PKHD1: variants seen among roughly 807,000 people sequenced by gnomAD.
PKHD1 encodes the protein PKHD1 ciliary IPT domain containing fibrocystin/polyductin, also known as fibrocystin.
Under a neutral mutation model 412.0 loss-of-function variants are expected in PKHD1, and 291 were observed. That is an observed-to-expected ratio of 0.71 (90% CI 0.64 to 0.78). The LOEUF (loss-of-function observed/expected upper bound fraction) is 0.78. PKHD1 is among the 30% of genes least tolerant of loss of function. The pLI is 0.00. For missense variants in PKHD1, 4,825 were observed against 4,950.7 expected, an observed-to-expected ratio of 0.97 and a Z score of 0.76; for synonymous variants, 1,777 against 1,821.5, an observed-to-expected ratio of 0.98 and a Z score of 0.62.
chr6:51,738,947 C>T (rs1051830009), intron 60 of PKHD1, among the ~76,000 whole-genome samples: 1 of 151,864 alleles, frequency 6.6e-6, no homozygotes, highest in African/African-American at 2.4e-5. Flanking sequence ...ACAACTCAAA[C>T]TACCTTTCTA....
Position 51,753,248 on chromosome 6 carries a change from C to T in PKHD1, c.8903G>A (p.Arg2968Lys), listed in dbSNP as rs1475594330. 6 of 1,613,816 alleles carry T rather than the reference C, an allele frequency of 3.7e-6. No homozygotes were observed. Residue 2968 changes from arginine to lysine, a missense_variant, in exon 57 of 67, where the codon AGA (arginine) becomes AAA (lysine). Coordinates refer to ENST00000371117, the MANE Select transcript of PKHD1 (RefSeq NM_138694.4). ...CTTCCTGAAGGACCCCACAAACAGTCTCCCCCTACATGATACGTCAGGCTG... is the reference window on the plus strand; with the variant it reads ...CTTCCTGAAGGACCCCACAAACAGTTTCCCCCTACATGATACGTCAGGCTG... Reference protein sequence around the residue: ...QIQPDVSCRGRLFVGSFRKSS... With the variant: ...QIQPDVSCRGKLFVGSFRKSS...
At chr6:51,979,867 T>C (rs1472604017) in intron 35 of PKHD1, among the ~76,000 whole-genome samples, 2 of 152,142 alleles carry the variant, frequency 1.3e-5, no homozygotes, top group Non-Finnish European at 2.9e-5. Context: ...AGTCCAGTTG[T>C]TTTCCAAGGA....
chr6:51,833,801 CA>C (rs1172048463), intron 51 of PKHD1, among the ~76,000 whole-genome samples: 1 of 152,054 alleles, frequency 6.6e-6, no homozygotes, highest in Non-Finnish European at 1.5e-5. Flanking sequence ...TGGGTCAGAC[CA>C]TCCAAAAAGC....
At chr6:51,787,376 A>AAAAG (rs3062491) in intron 53 of PKHD1, among the ~76,000 whole-genome samples, 7 of 151,390 alleles carry the variant, frequency 4.6e-5, no homozygotes, top group Non-Finnish European at 1.0e-4. Context: ...AAAAAAAAAA[A>AAAAG]GCAGGATCAC....
intron 64 of PKHD1, among the ~76,000 whole-genome samples, chr6:51,637,687 C>T (rs780870717): frequency 9.2e-5 from 14 of 151,738 alleles, no homozygotes; most frequent in Non-Finnish European, 2.1e-4. Flanking sequence ...AGGCGAATCA[C>T]GAGGTCAGAA....
At chr6:52,049,418 T>C (rs1423259840) in intron 22 of PKHD1, among the ~76,000 whole-genome samples, 1 of 152,226 alleles carries the variant, frequency 6.6e-6, no homozygotes, top group African/African-American at 2.4e-5. Context: ...ATGTGGTGCA[T>C]GACTGTATAT....
intron 26 of PKHD1, 116 bp downstream of exon 26, chr6:52,043,507 CCT>C (rs1020556537): frequency 4.1e-5 from 31 of 762,018 alleles, no homozygotes; most frequent in South Asian, 5.9e-5. Context: ...CGTCACTCAA[CCT>C]CTGCCTAATG....
At chr6:51,956,215 A>T (rs1791099405) in intron 36 of PKHD1, among the ~76,000 whole-genome samples, 1 of 152,042 alleles carries the variant, frequency 6.6e-6, no homozygotes, top group South Asian at 2.1e-4. Context: ...ATATGCAAAT[A>T]TATATAGACA....
chr6:51,626,889 A>C (rs571993451), intron 66 of PKHD1, 108 bp downstream of exon 66: 365 of 1,101,478 alleles, frequency 3.3e-4, no homozygotes, highest in Non-Finnish European at 4.8e-4. Context: ...AAGACTAAGA[A>C]GGGGCTATAA....
intron 53 of PKHD1, among the ~76,000 whole-genome samples, chr6:51,789,994 T>C (rs1422390683): frequency 6.6e-6 from 1 of 152,200 alleles, no homozygotes; most frequent in Non-Finnish European, 1.5e-5. Context: ...TTGATTTTTT[T>C]GTCACTGGAA....
rs560942967 is a variant in PKHD1 at position 52,028,289 on chromosome 6, C to A, written c.3427G>T (p.Val1143Phe). 1 of 1,613,964 alleles carries A rather than the reference C, an allele frequency of 6.2e-7. No homozygotes were observed. The highest frequency in any genetic ancestry group is 1.3e-5 in the African/African-American group (1 of 74,912). The change falls in exon 30 of 67, where the codon GTC becomes TTC. Residue 1143 changes from valine to phenylalanine, a missense_variant. Transcript: ENST00000371117. ...LMNYTDLDVE[V>F]HVQDALAPVH... ...GGAGCCAAGGCATCCTGGACGTGGA[C>A]TTCCACATCCAAATCCGTATAGTTC...
intron 52 of PKHD1, among the ~76,000 whole-genome samples, chr6:51,801,201 A>C (rs1164821673): frequency 1.3e-5 from 2 of 152,180 alleles, no homozygotes; most frequent in African/African-American, 4.8e-5. Flanking sequence ...AGTCTATCAT[A>C]ATTTATAAAG....
intron 46 of PKHD1, among the ~76,000 whole-genome samples, chr6:51,882,663 C>T (rs1056936687): frequency 6.6e-6 from 1 of 152,172 alleles, no homozygotes; most frequent in African/African-American, 2.4e-5. Flanking sequence ...CCCGGGAGTA[C>T]TCTTTGCCCC....
rs974197593 is a variant in PKHD1, at chr6:51,912,229, T to C, written c.6332+137A>G. On this transcript the variant is annotated intron_variant, in intron 38 of 66. Transcript: ENST00000371117. ...TTCAAAACATTTCATGCTTTTTAAT[T>C]TTCTTGTCAAAATGTCTACCATTAT... is the stretch of plus-strand genomic sequence containing the variant. 3.0e-5 allele frequency: 22 copies of C among 742,242 alleles called. No homozygotes were observed. The African/African-American group carries it at 3.1e-4, about 10-fold the overall frequency. 46.0% of individuals were successfully genotyped at this position (742,242 alleles called of 1,614,324 possible). A position where few individuals can be genotyped will look rare whatever the true frequency, so the allele number is the denominator to read the frequency against.
intron 11 of PKHD1, among the ~76,000 whole-genome samples, chr6:52,066,645 A>G (rs948563223): frequency 1.3e-5 from 2 of 152,068 alleles, no homozygotes; most frequent in Non-Finnish European, 2.9e-5. Flanking sequence ...GTAATCCCAG[A>G]ACTTTGGGAG....
At chr6:51,764,686 T>G (rs1411590345) in intron 55 of PKHD1, among the ~76,000 whole-genome samples, 1 of 152,148 alleles carries the variant, frequency 6.6e-6, no homozygotes, top group Non-Finnish European at 1.5e-5. Flanking sequence ...AATGATAGAC[T>G]GGATTAAAAT....
At chr6:51,719,588 G>C (rs1781667350) in intron 60 of PKHD1, among the ~76,000 whole-genome samples, 1 of 151,940 alleles carries the variant, frequency 6.6e-6, no homozygotes, top group Non-Finnish European at 1.5e-5. Context: ...CCCACATTGA[G>C]AAACACTGAC....
intron 27 of PKHD1, among the ~76,000 whole-genome samples, chr6:52,039,824 T>TTCATAATAA (rs1467458519): frequency 7.9e-5 from 12 of 152,194 alleles, no homozygotes; most frequent in African/African-American, 2.9e-4. Flanking sequence ...AGCAGCCTTA[T>TTCATAATAA]TCATAATAAT....
At chr6:51,887,020 G>T in intron 44 of PKHD1, 113 bp downstream of exon 44, 1 of 756,282 alleles carries the variant, frequency 1.3e-6, no homozygotes. Context: ...AAAATGCACA[G>T]GAACATCACC....
Sources: gnomAD v4.1 joint callset for allele counts (sites outside exome capture counted in the v4.1 genomes callset) on GRCh38, gnomAD v4.1.1 for gene constraint, MANE v1.5 for transcripts, NCBI Gene and HGNC (gene_info 2026-07-23, HGNC 2026-07-21) for gene names.